The following CYFIP2 variants were observed in gnomAD, a reference collection of about 807,000 sequenced individuals.
The protein encoded by CYFIP2 is cytoplasmic FMR1 interacting protein 2, also known as cytoplasmic FMR1-interacting protein 2.
A neutral mutation model predicts 158.7 loss-of-function variants in CYFIP2; 29 were observed. The ratio of observed to expected loss-of-function variants is 0.18; its 90% confidence interval spans 0.14 to 0.25. The LOEUF (loss-of-function observed/expected upper bound fraction) is 0.25. Among genes scored for constraint, CYFIP2 ranks in the 10% least tolerant of loss-of-function variants. The probability of loss-of-function intolerance (pLI) is 1.00; values close to 1 mark genes in which losing one functional copy is unlikely to be tolerated. For missense variants in CYFIP2, 852 were observed against 1,639.5 expected (o/e 0.52, Z 8.29); for synonymous variants, 585 against 617.6 (o/e 0.95, Z 0.78).
intron 13 of CYFIP2, among the ~76,000 whole-genome samples, chr5:157,319,358 ATGT>A (rs1262195303): frequency 2.0e-5 from 3 of 152,198 alleles, no homozygotes; most frequent in Non-Finnish European, 2.9e-5. Flanking sequence ...GTTCTATTTG[ATGT>A]TGTCTGTGAG....
At position 157,312,585 on chromosome 5, in the gene CYFIP2, G is replaced by A. The variant is rs535124971; in HGVS notation, c.1110+804G>A. Among the ~76,000 whole-genome samples, 6 of 152,302 alleles carry A rather than the reference G, an allele frequency of 3.9e-5. No individual in the cohort carries two copies. The South Asian group carries it at 8.3e-4, about 21-fold the overall frequency. ...CGTGGGTGACTGCGCACTGACCCAC[G>A]TATGCTCACTGCTTCCACCATGTGG... On this transcript the variant is annotated intron_variant, in intron 11 of 30. Transcript: ENST00000620254.
intron 6 of CYFIP2, among the ~76,000 whole-genome samples, chr5:157,301,681 C>T (rs2113891497): frequency 6.6e-6 from 1 of 152,262 alleles, no homozygotes; most frequent in South Asian, 2.1e-4. Flanking sequence ...ATAATCCTAG[C>T]ACTTTGGGAG....
At chr5:157,320,568 G>A in intron 14 of CYFIP2, 87 bp from the exon 15 acceptor site, 1 of 1,549,018 alleles carries the variant, frequency 6.5e-7, no homozygotes, top group Middle Eastern at 1.7e-4. Flanking sequence ...GGTGTTCCTG[G>A]GACACCACGG....
intron 26 of CYFIP2, among the ~76,000 whole-genome samples, chr5:157,378,589 G>A (rs1399682047): frequency 6.6e-6 from 1 of 152,178 alleles, no homozygotes; most frequent in Non-Finnish European, 1.5e-5. Context: ...GTGTCGAAGT[G>A]GAGTGGCTCC....
intron 3 of CYFIP2, among the ~76,000 whole-genome samples, chr5:157,291,776 G>A (rs894366720): frequency 1.1e-4 from 17 of 152,220 alleles, no homozygotes; most frequent in Admixed American, 1.0e-3. Flanking sequence ...ACTGTCATAA[G>A]TAAATTGATC....
chr5:157,336,983 G>C (rs1256962299), intron 21 of CYFIP2, among the ~76,000 whole-genome samples: 1 of 152,210 alleles, frequency 6.6e-6, no homozygotes, highest in Non-Finnish European at 1.5e-5. Flanking sequence ...TGTGAACACG[G>C]ATGTATGTTG....
intron 3 of CYFIP2, among the ~76,000 whole-genome samples, chr5:157,292,600 T>C (rs929633280): frequency 1.3e-5 from 2 of 152,234 alleles, no homozygotes; most frequent in African/African-American, 4.8e-5. Flanking sequence ...ATTAATTGTA[T>C]GGACATGCCA....
At chr5:157,353,667 C>T (rs567111875) in intron 23 of CYFIP2, among the ~76,000 whole-genome samples, 2 of 152,292 alleles carry the variant, frequency 1.3e-5, no homozygotes, top group East Asian at 3.9e-4. Flanking sequence ...TTATTTTTGC[C>T]GTCGCCTTTA....
intron 21 of CYFIP2, among the ~76,000 whole-genome samples, chr5:157,335,981 C>T (rs6876571): frequency 0.46 from 70,548 of 151,914 alleles, 18,229 homozygotes; most frequent in African/African-American, 0.71. Context: ...AAAGCCCTTG[C>T]TTATCAGGCG....
chr5:157,283,668 G>A (rs1757158290), intron 1 of CYFIP2, among the ~76,000 whole-genome samples: 1 of 152,190 alleles, frequency 6.6e-6, no homozygotes, highest in Admixed American at 6.5e-5. Flanking sequence ...ATGGGAAGGT[G>A]TGTTTGAGAA....
At position 157,361,494 on chromosome 5, in the gene CYFIP2, C is replaced by G; in HGVS notation, c.2935C>G (p.Leu979Val). ...GATCCTGGAGTTCTTCCACCACCAGCTGAAGGACATCATTGAGTACGCAGA... is the reference window on the plus strand; with the variant it reads ...GATCCTGGAGTTCTTCCACCACCAGGTGAAGGACATCATTGAGTACGCAGA... ...PGILEFFHHQ[L>V]KDIIEYAELK... The change falls in exon 26 of 31, where the codon CTG becomes GTG. Residue 979 changes from leucine (L) to valine (V), a missense_variant. Around this residue, in one of 8 missense-constraint regions of CYFIP2, gnomAD observed 223 missense variants for 381.6 expected, o/e 0.58. Coordinates refer to ENST00000620254, the MANE Select transcript of CYFIP2 (RefSeq NM_001037333.3). The surrounding 1 kb of genome is among the most constrained non-coding windows in gnomAD (Gnocchi z 4.4). 1 of 1,614,086 alleles carries G rather than the reference C, an allele frequency of 6.2e-7. No homozygotes were observed. The highest frequency in any genetic ancestry group is 8.5e-7 in the Non-Finnish European group (1 of 1,180,008).
chr5:157,387,678 T>A (rs977750037), intron 28 of CYFIP2, among the ~76,000 whole-genome samples: 1 of 151,142 alleles, frequency 6.6e-6, no homozygotes, highest in South Asian at 2.1e-4. Flanking sequence ...CTCAGGATTT[T>A]TTTTTTTTTT....
In CYFIP2 at chr5:157,302,071, T is replaced by C. The variant is rs1758795145; in HGVS notation, c.570-723T>C. ...GGGTAGCTTATTGCATAATATCTTC[T>C]ATCAAATTTTCCCCACCTGTAGCCA... is the stretch of plus-strand genomic sequence containing the variant. On this transcript the variant is annotated intron_variant, in intron 6 of 30. Coordinates refer to ENST00000620254, the MANE Select transcript of CYFIP2 (RefSeq NM_001037333.3). Among the ~76,000 whole-genome samples the C allele has an allele frequency of 2.0e-5, 3 of 152,214 alleles. No homozygotes were observed. In the South Asian group the frequency reaches 6.2e-4, roughly 31 times the overall value.
chr5:157,386,677 TGG>T (rs1239942690), intron 28 of CYFIP2, among the ~76,000 whole-genome samples: 4 of 152,200 alleles, frequency 2.6e-5, no homozygotes, highest in Non-Finnish European at 5.9e-5. Flanking sequence ...CCCAGCACTT[TGG>T]GAGGCCAAGG....
chr5:157,392,149 A>G (rs1052240776), intron 30 of CYFIP2, among the ~76,000 whole-genome samples: 14 of 152,234 alleles, frequency 9.2e-5, no homozygotes, highest in Admixed American at 8.5e-4. Context: ...TATTCTAGAT[A>G]TTACTTATCA....
chr5:157,334,732 G>A (rs1485496095), intron 21 of CYFIP2, among the ~76,000 whole-genome samples: 2 of 151,974 alleles, frequency 1.3e-5, no homozygotes, highest in African/African-American at 4.8e-5. Context: ...CGCAGGTCTT[G>A]AGAGACAGGA....
intron 18 of CYFIP2, 50 bp downstream of exon 18, chr5:157,326,317 G>A (rs182247938): frequency 1.3e-4 from 189 of 1,500,498 alleles, no homozygotes; most frequent in African/African-American, 1.2e-3. Context: ...TCCAAATTCC[G>A]GACTTTTCCA....
At position 157,394,172 on chromosome 5, in the gene CYFIP2, C is replaced by G. The variant is rs1287624320; in HGVS notation, c.*1172C>G. On this transcript the variant is annotated 3_prime_UTR_variant, in exon 31 of 31. Coordinates refer to ENST00000620254, the MANE Select transcript of CYFIP2 (RefSeq NM_001037333.3). ...TAAGTTAGACTTTCGGGTGTGGCTT[C>G]TCTCCCAGGGGTAACATTTACTTCC... The G allele has an allele frequency of 6.6e-6, 1 of 152,146 alleles. No homozygotes were observed. Among genetic ancestry groups the G allele is most frequent in the Non-Finnish European group, 1.5e-5 (1 of 68,028 alleles). The allele number at this position is 152,146 out of a possible 1,614,324, so 9.4% of individuals were successfully genotyped here.
At chr5:157,313,497 T>G (rs1211637438) in intron 11 of CYFIP2, among the ~76,000 whole-genome samples, 1 of 152,222 alleles carries the variant, frequency 6.6e-6, no homozygotes, top group African/African-American at 2.4e-5. Flanking sequence ...AACATGGCAC[T>G]AAGTAGACTT....
Sources: allele counts gnomAD v4.1 joint callset (sites outside exome capture counted in the v4.1 genomes callset), GRCh38; gene constraint gnomAD v4.1.1; regional missense constraint gnomAD v4.1.1; non-coding constraint Gnocchi (gnomAD v3.1); transcripts MANE v1.5; gene names NCBI Gene and HGNC (gene_info 2026-07-23, HGNC 2026-07-21).